Variants in PCDHGA4 observed in about 807,000 individuals in gnomAD.
The protein encoded by PCDHGA4 is protocadherin gamma-A4.
Under a neutral mutation model 54.6 loss-of-function variants are expected in PCDHGA4, and 38 were observed. The ratio of observed to expected loss-of-function variants is 0.70; its 90% confidence interval spans 0.54 to 0.91. PCDHGA4 has a LOEUF of 0.91. Ranked by LOEUF, PCDHGA4 falls within the 40% of genes least tolerant of loss-of-function variation. The pLI, the probability that PCDHGA4 is intolerant of heterozygous loss-of-function variation, is 0.00. For synonymous variants in PCDHGA4, 511 were observed against 512.9 expected (o/e 1.00, Z 0.05); for missense variants, 1,298 against 1,220.9 (o/e 1.06, Z -0.94).
intron 1 of PCDHGA4, among the ~76,000 whole-genome samples, chr5:141,359,447 C>A (rs1761214361): frequency 6.6e-6 from 1 of 151,116 alleles, no homozygotes; most frequent in Non-Finnish European, 1.5e-5. Flanking sequence ...TTTCTTTTAG[C>A]AAATAACAAT....
intron 1 of PCDHGA4, chr5:141,370,329 A>G: frequency 9.9e-6 from 14 of 1,407,454 alleles, no homozygotes; most frequent in Non-Finnish European, 1.2e-5. Context: ...CTGCTCGGAG[A>G]ACTCTTGGGA....
intron 1 of PCDHGA4, among the ~76,000 whole-genome samples, chr5:141,455,161 T>G (rs6861291): frequency 0.084 from 8,821 of 104,682 alleles, 480 homozygotes; most frequent in African/African-American, 0.22. Context: ...AGTTTGTTGG[T>G]TTTTTTTTTA....
chr5:141,473,193 A>G (rs938175797), intron 1 of PCDHGA4, among the ~76,000 whole-genome samples: 2 of 152,232 alleles, frequency 1.3e-5, no homozygotes, highest in African/African-American at 4.8e-5. Flanking sequence ...GAGTAAATGT[A>G]TCTTCTAAAA....
chr5:141,393,055 G>A (rs1225924697), intron 1 of PCDHGA4: 1 of 1,613,678 alleles, frequency 6.2e-7, no homozygotes, highest in South Asian at 1.1e-5. Flanking sequence ...AACCCGCGCA[G>A]CGGCAGCTTG....
At position 141,356,480 on chromosome 5, in the gene PCDHGA4, A is replaced by G; in HGVS notation, c.1373A>G (p.Gln458Arg). 1.2e-6 allele frequency: 2 copies of G among 1,613,992 alleles called. No homozygotes were observed. The highest frequency in any genetic ancestry group is 2.2e-5 in the South Asian group (2 of 91,086). The change falls in exon 1 of 4, where the codon CAG becomes CGG. Residue 458 changes from glutamine to arginine, a missense_variant. By Grantham distance (43) the Gln-to-Arg change is conservative (BLOSUM62 1). Transcript: ENST00000571252. ...AACATCACTGTAACTGCCACTGACC[A>G]GGGAACTCCTCCACTGTCTACAGAA... ...EYNITVTATD[Q>R]GTPPLSTETH...
chr5:141,414,159 A>G (rs2095715416), intron 1 of PCDHGA4: 1 of 1,602,874 alleles, frequency 6.2e-7, no homozygotes. Context: ...CAGAAGATGG[A>G]GGAGCATATC....
At chr5:141,399,254 G>A (rs2093775351) in intron 1 of PCDHGA4, 1 of 1,613,806 alleles carries the variant, frequency 6.2e-7, no homozygotes, top group East Asian at 2.2e-5. Context: ...GGGGAAAATG[G>A]GGAGGTTAAT....
chr5:141,485,899 C>A lies in PCDHGA4; in HGVS notation c.2515-8908C>A, dbSNP rs775312856. 12 of 1,614,166 alleles carry A rather than the reference C, an allele frequency of 7.4e-6. No individual in the cohort carries two copies. The highest frequency in any genetic ancestry group is 8.5e-6 in the Non-Finnish European group (10 of 1,180,032). On this transcript the variant is annotated intron_variant, in intron 1 of 3. Coordinates refer to ENST00000571252, the MANE Select transcript of PCDHGA4 (RefSeq NM_018917.4). The surrounding 1 kb of genome is among the most constrained non-coding windows in gnomAD (Gnocchi z 5.7). ...ACGTAAACGACAACGCCCCAGCCTT[C>A]CAGCAATCCAGCTACAGGATTAGTG...
intron 1 of PCDHGA4, chr5:141,389,998 T>G: frequency 6.2e-7 from 1 of 1,614,046 alleles, no homozygotes; most frequent in Non-Finnish European, 8.5e-7. Flanking sequence ...CTCGTGGCCA[T>G]GATTCTGGCC....
chr5:141,459,886 G>A (rs932435611), intron 1 of PCDHGA4, among the ~76,000 whole-genome samples: 2 of 152,080 alleles, frequency 1.3e-5, no homozygotes, highest in Non-Finnish European at 2.9e-5. Context: ...TGAGCTGAAC[G>A]CCTTCTTAAA....
intron 1 of PCDHGA4, among the ~76,000 whole-genome samples, chr5:141,473,090 T>C (rs1426311051): frequency 3.9e-5 from 6 of 152,064 alleles, no homozygotes; most frequent in African/African-American, 1.4e-4. Context: ...TTATCCACTG[T>C]GAGTTGTATT....
At chr5:141,505,579 G>A (rs1047837546) in intron 3 of PCDHGA4, 98 bp downstream of exon 3, 6 of 1,588,858 alleles carry the variant, frequency 3.8e-6, no homozygotes, top group Non-Finnish European at 4.3e-6. Flanking sequence ...TCAAACCTGT[G>A]TAGTTTCTCC....
Position 141,477,443 on chromosome 5 carries a change from G to C in PCDHGA4, c.2515-17364G>C. The C allele has an allele frequency of 6.2e-7, 1 of 1,614,136 alleles. No individual in the cohort carries two copies. Among genetic ancestry groups the C allele is most frequent in the Non-Finnish European group, 8.5e-7 (1 of 1,180,024 alleles). ...CCCTTCCCTCTCAGCCCTTACAATA[G>C]TGCGTGTTCAAGTGTCCGACATCAA... On this transcript the variant is annotated intron_variant, in intron 1 of 3. Coordinates refer to ENST00000571252, the MANE Select transcript of PCDHGA4 (RefSeq NM_018917.4). This position sits in a 1 kb window ranked among gnomAD's most constrained non-coding sequence, Gnocchi z 4.9.
At chr5:141,423,440 C>G in intron 1 of PCDHGA4, 1 of 1,613,970 alleles carries the variant, frequency 6.2e-7, no homozygotes, top group South Asian at 1.1e-5. Context: ...GGTATGCCCA[C>G]GTCACATTTT....
At chr5:141,398,177 T>C (rs2093620975) in intron 1 of PCDHGA4, 11 of 1,473,994 alleles carry the variant, frequency 7.5e-6, no homozygotes, top group African/African-American at 2.9e-5. Context: ...CTGCCAGTGC[T>C]CTTTCTCTTC....
intron 1 of PCDHGA4, among the ~76,000 whole-genome samples, chr5:141,445,078 G>T (rs1591839605): frequency 6.6e-6 from 1 of 152,208 alleles, no homozygotes; most frequent in East Asian, 1.9e-4. Flanking sequence ...TCATTAAATT[G>T]TCCCTACATA....
intron 1 of PCDHGA4, among the ~76,000 whole-genome samples, chr5:141,467,735 C>T (rs557555571): frequency 3.3e-5 from 5 of 152,182 alleles, no homozygotes; most frequent in East Asian, 3.9e-4. Flanking sequence ...AATCCCAGCT[C>T]GCTGCAACCT....
Position 141,490,019 on chromosome 5 carries a change from T to C in PCDHGA4, c.2515-4788T>C. 2 of 1,614,272 alleles carry C rather than the reference T, an allele frequency of 1.2e-6. No homozygotes were observed. Among genetic ancestry groups the C allele is most frequent in the East Asian group, 2.2e-5 (1 of 44,886 alleles). ...CCAGAGAATGCACCCATTGGTACTCTGCTGCTCCGCCTCAATGCCACTGAT... is the reference window on the plus strand; with the variant it reads ...CCAGAGAATGCACCCATTGGTACTCCGCTGCTCCGCCTCAATGCCACTGAT... On this transcript the variant is annotated intron_variant, in intron 1 of 3. Coordinates refer to ENST00000571252, the MANE Select transcript of PCDHGA4 (RefSeq NM_018917.4). This position sits in a 1 kb window ranked among gnomAD's most constrained non-coding sequence, Gnocchi z 5.4.
At chr5:141,502,404 C>A (rs1270930372) in intron 2 of PCDHGA4, among the ~76,000 whole-genome samples, 1 of 151,880 alleles carries the variant, frequency 6.6e-6, no homozygotes, top group Non-Finnish European at 1.5e-5. Flanking sequence ...TGTCCCCGAA[C>A]CTGGATTTGC....
Sources: allele counts gnomAD v4.1 joint callset (sites outside exome capture counted in the v4.1 genomes callset), GRCh38; gene constraint gnomAD v4.1.1; non-coding constraint Gnocchi (gnomAD v3.1); transcripts MANE v1.5; gene names NCBI Gene and HGNC (gene_info 2026-07-23, HGNC 2026-07-21).